Variants in MPHOSPH6 observed in about 807,000 individuals in gnomAD.
MPHOSPH6 encodes the protein M-phase phosphoprotein 6.
A neutral mutation model predicts 21.8 loss-of-function variants in MPHOSPH6; 25 were observed. The observed-to-expected ratio is 1.15, with a 90% CI of 0.83 to 1.60. The LOEUF is 1.60. MPHOSPH6 is among the 40% of genes most tolerant of loss of function. The pLI is 0.00. For missense variants in MPHOSPH6, 269 were observed against 181.8 expected, an observed-to-expected ratio of 1.48 and a Z score of -2.76; for synonymous variants, 84 against 56.5, an observed-to-expected ratio of 1.49 and a Z score of -2.18.
chr16:82,150,937 A>C (rs1906245894), intron 3 of MPHOSPH6: 1 of 152,808 alleles, frequency 6.5e-6, no homozygotes, highest in Non-Finnish European at 1.5e-5. Flanking sequence ...GGAAAATTCA[A>C]ATGAATAGCT....
chr16:82,169,774 TATC>T (rs1567617891), intron 1 of MPHOSPH6, among the ~76,000 whole-genome samples: 1 of 152,204 alleles, frequency 6.6e-6, no homozygotes, highest in African/African-American at 2.4e-5. Context: ...ACTTCCCATA[TATC>T]ATATTTATTG....
intron 2 of MPHOSPH6, among the ~76,000 whole-genome samples, chr16:82,161,131 G>C (rs1211792765): frequency 1.3e-5 from 2 of 152,160 alleles, no homozygotes; most frequent in African/African-American, 4.8e-5. Flanking sequence ...CAGTTCTTCG[G>C]TATTCATTTT....
chr16:82,150,933 T>C (rs1356286320), intron 3 of MPHOSPH6, among the ~76,000 whole-genome samples: 2 of 152,160 alleles, frequency 1.3e-5, no homozygotes, highest in African/African-American at 4.8e-5. Context: ...AGCAGGAAAA[T>C]TCAAATGAAT....
chr16:82,152,407 G>A (rs1475464031), intron 2 of MPHOSPH6, among the ~76,000 whole-genome samples: 1 of 152,146 alleles, frequency 6.6e-6, no homozygotes, highest in African/African-American at 2.4e-5. Flanking sequence ...ACCAAAGGCT[G>A]ACCCTGGATG....
At chr16:82,158,144 C>T (rs1467680849) in intron 2 of MPHOSPH6, among the ~76,000 whole-genome samples, 2 of 151,912 alleles carry the variant, frequency 1.3e-5, no homozygotes, top group Non-Finnish European at 2.9e-5. Flanking sequence ...TAATCTTAGC[C>T]CTCAATTACT....
chr16:82,169,969 T>A, intron 1 of MPHOSPH6, 156 bp downstream of exon 1: 1 of 873,352 alleles, frequency 1.1e-6, no homozygotes, highest in Non-Finnish European at 1.7e-6. Context: ...CAGTAAACAG[T>A]GCAGAGCAGG....
intron 2 of MPHOSPH6, among the ~76,000 whole-genome samples, chr16:82,160,484 G>C (rs900591726): frequency 1.3e-5 from 2 of 152,160 alleles, no homozygotes; most frequent in African/African-American, 4.8e-5. Context: ...ATCTTTGCAA[G>C]GATATCTGCA....
chr16:82,160,033 C>A (rs143404574), intron 2 of MPHOSPH6, among the ~76,000 whole-genome samples: 72 of 152,208 alleles, frequency 4.7e-4, no homozygotes, highest in Non-Finnish European at 7.9e-4. Flanking sequence ...AAGGAGGGAC[C>A]CAGAGAAAGA....
intron 2 of MPHOSPH6, among the ~76,000 whole-genome samples, chr16:82,158,115 A>G (rs1478352359): frequency 6.6e-6 from 1 of 152,162 alleles, no homozygotes; most frequent in Admixed American, 6.5e-5. Flanking sequence ...TTGATGACAC[A>G]GCACAAATTT....
At chr16:82,159,766 C>G (rs762271265) in intron 2 of MPHOSPH6, among the ~76,000 whole-genome samples, 4 of 152,122 alleles carry the variant, frequency 2.6e-5, no homozygotes, top group Non-Finnish European at 5.9e-5. Context: ...ACTCTGAGAA[C>G]CACTGTGATT....
intron 2 of MPHOSPH6, among the ~76,000 whole-genome samples, chr16:82,162,008 CAT>C (rs1168468920): frequency 1.3e-5 from 2 of 152,178 alleles, no homozygotes; most frequent in East Asian, 3.8e-4. Context: ...GATACACAAA[CAT>C]AAGTGAGTAG....
chr16:82,167,025 G>A (rs1049975752), intron 1 of MPHOSPH6, among the ~76,000 whole-genome samples: 1 of 152,186 alleles, frequency 6.6e-6, no homozygotes, highest in African/African-American at 2.4e-5. Context: ...CTAGATGTCT[G>A]TTGTCGTCGA....
At chr16:82,169,566 C>G (rs1203304821) in intron 1 of MPHOSPH6, among the ~76,000 whole-genome samples, 2 of 152,172 alleles carry the variant, frequency 1.3e-5, no homozygotes, top group South Asian at 2.1e-4. Context: ...TAAAAATACC[C>G]CCTCTCTCCA....
chr16:82,165,117 TTTTATTTTTTTTTTTA>T (rs569586041), intron 1 of MPHOSPH6, among the ~76,000 whole-genome samples: 13,528 of 73,466 alleles, frequency 0.18, 2,606 homozygotes, highest in African/African-American at 0.43. Context: ...GATATTTCTT[TTTTATTTTTTTTTTTA>T]TTTTTTTTTT....
intron 2 of MPHOSPH6, among the ~76,000 whole-genome samples, chr16:82,157,663 G>A (rs1906470220): frequency 6.6e-6 from 1 of 151,156 alleles, no homozygotes; most frequent in Non-Finnish European, 1.5e-5. Context: ...TTTAAGGGGA[G>A]ATACTGAGGG....
At chr16:82,168,720 C>T (rs1313130417) in intron 1 of MPHOSPH6, among the ~76,000 whole-genome samples, 5 of 152,192 alleles carry the variant, frequency 3.3e-5, no homozygotes, top group African/African-American at 1.2e-4. Context: ...GATTTGTCTA[C>T]CTCAGCCTCT....
In MPHOSPH6 at chr16:82,149,298, A is replaced by G; in HGVS notation, c.350+11T>C. 1.2e-6 allele frequency: 2 copies of G among 1,612,346 alleles called. No individual in the cohort carries two copies. Among genetic ancestry groups the G allele is most frequent in the Non-Finnish European group, 1.7e-6 (2 of 1,179,486 alleles). ...GGTCCAGATTAGAAGGCTGCTGCGC[A>G]GCACGGTTACCTTCTAGCCATCTCT... On this transcript the variant is annotated intron_variant, in intron 4 of 4. Transcript: ENST00000258169.
intron 2 of MPHOSPH6, among the ~76,000 whole-genome samples, chr16:82,162,906 A>G (rs9673295): frequency 0.015 from 2,233 of 152,300 alleles, 54 homozygotes; most frequent in African/African-American, 0.051. Context: ...CTCTTTAATA[A>G]ACAACTGGAA....
intron 2 of MPHOSPH6, among the ~76,000 whole-genome samples, chr16:82,159,268 A>C (rs1049622539): frequency 1.3e-5 from 2 of 152,230 alleles, no homozygotes; most frequent in East Asian, 1.9e-4. Context: ...CTTCTCGTTA[A>C]ATTTTTTGTC....
Sources: allele counts gnomAD v4.1 joint callset (sites outside exome capture counted in the v4.1 genomes callset), GRCh38; gene constraint gnomAD v4.1.1; transcripts MANE v1.5; gene names NCBI Gene and HGNC (gene_info 2026-07-23, HGNC 2026-07-21).